GALNT2: variants seen among roughly 807,000 people sequenced by gnomAD.
GALNT2 encodes the protein polypeptide N-acetylgalactosaminyltransferase 2.
A neutral mutation model predicts 81.4 loss-of-function variants in GALNT2; 31 were observed. That is an observed-to-expected ratio of 0.38 (90% CI 0.29 to 0.51). The LOEUF (loss-of-function observed/expected upper bound fraction) is 0.51. Ranked by LOEUF, GALNT2 falls within the 20% of genes least tolerant of loss-of-function variation. The probability of loss-of-function intolerance (pLI) is 0.87; values close to 1 mark genes in which losing one functional copy is unlikely to be tolerated. For synonymous variants in GALNT2, 303 were observed against 287.4 expected (o/e 1.05, Z -0.55); for missense variants, 629 against 765.7 (o/e 0.82, Z 2.11).
At chr1:230,255,177 C>T (rs763483677) in intron 10 of GALNT2, 41 bp from the exon 11 acceptor site, 18 of 1,613,910 alleles carry the variant, frequency 1.1e-5, no homozygotes, top group African/African-American at 4.0e-5. Flanking sequence ...GAGGTGCGTC[C>T]CAGGCTCTGT....
intron 1 of GALNT2, among the ~76,000 whole-genome samples, chr1:230,113,172 C>T (rs887516607): frequency 2.0e-5 from 3 of 152,160 alleles, no homozygotes; most frequent in Non-Finnish European, 2.9e-5. Context: ...CTGGGCACAT[C>T]GGATCTGTGC....
chr1:230,243,070 G>A lies in GALNT2; in HGVS notation c.608-236G>A, dbSNP rs751668455. On this transcript the variant is annotated intron_variant, in intron 6 of 15. Transcript: ENST00000366672. The surrounding 1 kb of genome is among the most constrained non-coding windows in gnomAD (Gnocchi z 4.2). Reference sequence around the variant, plus strand: ...ATGTAAAGGGCCTTTCTCAGAAGACGGTAGTTCTAAGAACGTTGTCCTCCC... The same window carrying A: ...ATGTAAAGGGCCTTTCTCAGAAGACAGTAGTTCTAAGAACGTTGTCCTCCC... Among the ~76,000 whole-genome samples the A allele has an allele frequency of 4.6e-5, 7 of 152,154 alleles. No individual in the cohort carries two copies. The highest frequency in any genetic ancestry group is 1.0e-4 in the Non-Finnish European group (7 of 68,022).
At chr1:230,085,218 A>G (rs780432805) in intron 1 of GALNT2, among the ~76,000 whole-genome samples, 2 of 152,186 alleles carry the variant, frequency 1.3e-5, no homozygotes, top group Non-Finnish European at 2.9e-5. Flanking sequence ...ATACCCTGAC[A>G]GTGACCCTGT....
chr1:230,153,204 T>C (rs1466175878), intron 1 of GALNT2, among the ~76,000 whole-genome samples: 1 of 152,212 alleles, frequency 6.6e-6, no homozygotes, highest in Non-Finnish European at 1.5e-5. Flanking sequence ...GCTGAGACTA[T>C]AGGCCTGAGC....
At chr1:230,124,960 G>A (rs769877981) in intron 1 of GALNT2, among the ~76,000 whole-genome samples, 20 of 152,170 alleles carry the variant, frequency 1.3e-4, no homozygotes, top group African/African-American at 4.3e-4. Flanking sequence ...TGTCTGCACC[G>A]CTGGCTGTTT....
Position 230,275,594 on chromosome 1 carries a change from T to C in GALNT2, c.1560+1030T>C, listed in dbSNP as rs556707859. ...TATAAACACACCATATATATACATA[T>C]AGATACATGCTACATTTATATAAAC... On this transcript the variant is annotated intron_variant, in intron 15 of 15. Coordinates refer to ENST00000366672, the MANE Select transcript of GALNT2 (RefSeq NM_004481.5). The surrounding 1 kb of genome is among the most constrained non-coding windows in gnomAD (Gnocchi z 5.5). Among the ~76,000 whole-genome samples the C allele has an allele frequency of 6.7e-6, 1 of 149,580 alleles. No homozygotes were observed. Among genetic ancestry groups the C allele is most frequent in the East Asian group, 2.0e-4 (1 of 5,110 alleles).
chr1:230,132,132 T>C (rs1419407215), intron 1 of GALNT2, among the ~76,000 whole-genome samples: 1 of 152,194 alleles, frequency 6.6e-6, no homozygotes, highest in East Asian at 1.9e-4. Flanking sequence ...GTTACTTTTG[T>C]TTTTTGTTAT....
chr1:230,156,652 T>C (rs1295581673), intron 1 of GALNT2, among the ~76,000 whole-genome samples: 1 of 152,234 alleles, frequency 6.6e-6, no homozygotes, highest in Non-Finnish European at 1.5e-5. Context: ...AACTTTCTAA[T>C]GCAGGGGCAG....
At chr1:230,276,009 C>T (rs1349386099) in intron 15 of GALNT2, among the ~76,000 whole-genome samples, 1 of 64,906 alleles carries the variant, frequency 1.5e-5, no homozygotes, top group Non-Finnish European at 2.9e-5. Flanking sequence ...CATATATATA[C>T]GTATATATAC....
At chr1:230,072,397 A>G (rs1571927251) in intron 1 of GALNT2, among the ~76,000 whole-genome samples, 1 of 151,934 alleles carries the variant, frequency 6.6e-6, no homozygotes, top group East Asian at 1.9e-4. Flanking sequence ...GCTGCCTGGG[A>G]CAGAGACACA....
chr1:230,153,753 T>G (rs1270467438), intron 1 of GALNT2, among the ~76,000 whole-genome samples: 1 of 152,214 alleles, frequency 6.6e-6, no homozygotes, highest in African/African-American at 2.4e-5. Context: ...ACTCCGCTCT[T>G]GGAGATGGAT....
At chr1:230,136,958 C>T (rs1227824516) in intron 1 of GALNT2, among the ~76,000 whole-genome samples, 1 of 152,222 alleles carries the variant, frequency 6.6e-6, no homozygotes, top group African/African-American at 2.4e-5. Context: ...CGAAGCCAGA[C>T]ACACAGGCCC....
intron 14 of GALNT2, among the ~76,000 whole-genome samples, chr1:230,265,989 C>A (rs1263133969): frequency 6.6e-6 from 1 of 152,138 alleles, no homozygotes; most frequent in Admixed American, 6.5e-5. Context: ...GTCAGGAGTT[C>A]AAGACCAGCC....
chr1:230,258,637 CA>C (rs1665790025), intron 11 of GALNT2: 1 of 152,216 alleles, frequency 6.6e-6, no homozygotes. Flanking sequence ...GGCAAAATAA[CA>C]AGTAATGCTT....
Position 230,203,240 on chromosome 1 carries a change from G to T in GALNT2, c.324G>T (p.Glu108Asp). 6.2e-7 allele frequency: 1 copy of T among 1,614,226 alleles called. No individual in the cohort carries two copies. The highest frequency in any genetic ancestry group is 1.3e-5 in the African/African-American group (1 of 75,050). ...PYARNKFNQV[E>D]SDKLRMDRAI... ...CCCGCAACAAGTTCAACCAGGTGGA[G>T]AGTGATAAGCTTCGAATGGACAGAG... The change falls in exon 3 of 16, where the codon GAG becomes GAT. Residue 108 changes from glutamate (E) to aspartate (D), a missense_variant. Around this residue, in one of 3 missense-constraint regions of GALNT2, gnomAD observed 360 missense variants for 492.8 expected, o/e 0.73. Transcript: ENST00000366672.
At chr1:230,176,302 C>A (rs1307568647) in intron 1 of GALNT2, among the ~76,000 whole-genome samples, 1 of 152,156 alleles carries the variant, frequency 6.6e-6, no homozygotes, top group African/African-American at 2.4e-5. Flanking sequence ...TCTGGGAAAA[C>A]ACTGATGGTT....
chr1:230,275,851 CATAG>C lies in GALNT2; in HGVS notation c.1560+1291_1560+1294del, dbSNP rs566389199. Among the ~76,000 whole-genome samples the C allele has an allele frequency of 3.3e-5, 5 of 150,650 alleles. No homozygotes were observed. The highest frequency in any genetic ancestry group is 5.9e-5 in the Non-Finnish European group (4 of 67,752). ...CATATATACATGTATATACATGCCA[CATAG>C]ATATACATATATAAATGCCACAGAT... On this transcript the variant is annotated intron_variant, in intron 15 of 15. Coordinates refer to ENST00000366672, the MANE Select transcript of GALNT2 (RefSeq NM_004481.5). The surrounding 1 kb of genome is among the most constrained non-coding windows in gnomAD (Gnocchi z 5.5).
chr1:230,145,560 G>C (rs995242111), intron 1 of GALNT2, among the ~76,000 whole-genome samples: 1 of 152,250 alleles, frequency 6.6e-6, no homozygotes, highest in Non-Finnish European at 1.5e-5. Context: ...GTTCTCTGGG[G>C]ATTCCTCCGC....
chr1:230,117,113 G>T (rs1442909223), intron 1 of GALNT2, among the ~76,000 whole-genome samples: 1 of 152,222 alleles, frequency 6.6e-6, no homozygotes, highest in East Asian at 1.9e-4. Context: ...CACCTTGCAC[G>T]TTTATGGTAT....
Sources: allele counts gnomAD v4.1 joint callset (sites outside exome capture counted in the v4.1 genomes callset), GRCh38; gene constraint gnomAD v4.1.1; regional missense constraint gnomAD v4.1.1; non-coding constraint Gnocchi (gnomAD v3.1); transcripts MANE v1.5; gene names NCBI Gene and HGNC (gene_info 2026-07-23, HGNC 2026-07-21).